The following BMAL1 variants were observed in gnomAD, a reference collection of about 807,000 sequenced individuals.
BMAL1 encodes basic helix-loop-helix ARNT-like protein 1.
chr11:13,312,440 C>T, the BMAL1 span, among the ~76,000 whole-genome samples: 3 of 152,150 alleles, frequency 2.0e-5, no homozygotes, highest in Admixed American at 2.0e-4. Context: ...GGTGTTTCCA[C>T]TTCTTAGGAG....
the BMAL1 span, among the ~76,000 whole-genome samples, chr11:13,298,175 C>T: frequency 6.6e-6 from 1 of 152,250 alleles, no homozygotes. Context: ...CCAACTTATG[C>T]ATTGCACAAC....
chr11:13,287,976 T>C, the BMAL1 span, among the ~76,000 whole-genome samples: 1 of 152,222 alleles, frequency 6.6e-6, no homozygotes, highest in Admixed American at 6.5e-5. Flanking sequence ...GTGGAACATC[T>C]TTATGAGCAT....
At chr11:13,351,459 C>T in the BMAL1 span, among the ~76,000 whole-genome samples, 2 of 152,054 alleles carry the variant, frequency 1.3e-5, no homozygotes, top group Non-Finnish European at 2.9e-5. Flanking sequence ...GGGAGGTGGT[C>T]GGCCATAAAT....
At chr11:13,335,935 T>A in the BMAL1 span, among the ~76,000 whole-genome samples, 6 of 152,238 alleles carry the variant, frequency 3.9e-5, no homozygotes, top group Non-Finnish European at 7.3e-5. Context: ...ACTTACAGAT[T>A]TCAAGAGAGC....
At chr11:13,355,719 G>T in the BMAL1 span, among the ~76,000 whole-genome samples, 1 of 152,282 alleles carries the variant, frequency 6.6e-6, no homozygotes, top group South Asian at 2.1e-4. Context: ...GGGAGTTTTT[G>T]TCCTTCCGTG....
At chr11:13,338,378 T>C in the BMAL1 span, among the ~76,000 whole-genome samples, 2 of 152,218 alleles carry the variant, frequency 1.3e-5, no homozygotes, top group African/African-American at 4.8e-5. Context: ...TTCCTCCAAG[T>C]GCACTTGCCA....
the BMAL1 span, among the ~76,000 whole-genome samples, chr11:13,284,156 A>G: frequency 5.2e-4 from 23 of 43,848 alleles, no homozygotes; most frequent in African/African-American, 1.9e-3. Context: ...GTATATATAT[A>G]TATGTGTGTA....
the BMAL1 span, among the ~76,000 whole-genome samples, chr11:13,292,875 G>A: frequency 1.3e-5 from 2 of 152,144 alleles, no homozygotes; most frequent in East Asian, 1.9e-4. Flanking sequence ...GGAAAGACCC[G>A]GAAGCAGCAC....
chr11:13,307,091 G>A, the BMAL1 span, among the ~76,000 whole-genome samples: 11 of 152,324 alleles, frequency 7.2e-5, no homozygotes, highest in South Asian at 2.1e-4. Flanking sequence ...AGGCCGGATC[G>A]TCTGCCCACC....
At chr11:13,351,720 C>T in the BMAL1 span, among the ~76,000 whole-genome samples, 3 of 152,260 alleles carry the variant, frequency 2.0e-5, no homozygotes, top group Middle Eastern at 3.4e-3. Context: ...AGCCAAGAGA[C>T]AGTGAGAAGG....
At chr11:13,367,336 C>T in the BMAL1 span, among the ~76,000 whole-genome samples, 1 of 152,208 alleles carries the variant, frequency 6.6e-6, no homozygotes, top group Non-Finnish European at 1.5e-5. Flanking sequence ...CACTTCTGTG[C>T]AAGGCCCCAG....
chr11:13,369,489 G>A, the BMAL1 span: 2 of 1,082,806 alleles, frequency 1.8e-6, no homozygotes, highest in Non-Finnish European at 1.4e-6. Context: ...AAACTTGGGA[G>A]ATATTTATCT....
At chr11:13,368,668 A>G in the BMAL1 span, among the ~76,000 whole-genome samples, 1 of 152,120 alleles carries the variant, frequency 6.6e-6, no homozygotes, top group Non-Finnish European at 1.5e-5. Flanking sequence ...CTGTACTGAC[A>G]CCTAGCCAGT....
the BMAL1 span, among the ~76,000 whole-genome samples, chr11:13,317,255 A>G: frequency 1.3e-5 from 2 of 152,214 alleles, no homozygotes; most frequent in East Asian, 1.9e-4. Flanking sequence ...TTTGAATTGC[A>G]CATTATGTCC....
the BMAL1 span, chr11:13,386,848 A>ATAG: frequency 6.8e-7 from 1 of 1,461,382 alleles, no homozygotes; most frequent in Admixed American, 2.0e-5. Context: ...TAAGGAGAGA[A>ATAG]TAGCTTTTAT....
At chr11:13,314,227 G>C in the BMAL1 span, among the ~76,000 whole-genome samples, 1 of 96,886 alleles carries the variant, frequency 1.0e-5, no homozygotes, top group East Asian at 5.4e-4. Flanking sequence ...TAAGGGTGGA[G>C]ACCACACACA....
the BMAL1 span, among the ~76,000 whole-genome samples, chr11:13,362,766 G>A: frequency 7.9e-5 from 12 of 152,138 alleles, no homozygotes; most frequent in African/African-American, 1.2e-4. Flanking sequence ...GAGAGCTGCC[G>A]TCGGTGCCAG....
chr11:13,372,538 A>G, the BMAL1 span: 2 of 1,395,754 alleles, frequency 1.4e-6, no homozygotes, highest in East Asian at 2.3e-5. Flanking sequence ...AGCTGGGTGC[A>G]GTGGCTCACA....
the BMAL1 span, chr11:13,376,858 A>G: frequency 1.7e-5 from 13 of 784,656 alleles, no homozygotes; most frequent in Non-Finnish European, 2.4e-5. Flanking sequence ...CGAGGGGATG[A>G]TGTGCGGATT....
Sources: allele counts gnomAD v4.1 joint callset (sites outside exome capture counted in the v4.1 genomes callset), GRCh38; gene constraint gnomAD v4.1.1; transcripts MANE v1.5; gene names NCBI Gene and HGNC (gene_info 2026-07-23, HGNC 2026-07-21).